The following HDLBP variants were observed in gnomAD, a reference collection of about 807,000 sequenced individuals.
HDLBP encodes high density lipoprotein binding protein, also known as vigilin.
HDLBP carries 30 observed loss-of-function variants against 137.3 expected under a neutral mutation model. The ratio of observed to expected loss-of-function variants is 0.22; its 90% CI spans 0.16 to 0.30. The LOEUF is 0.30. Among genes scored for constraint, HDLBP ranks in the 10% least tolerant of loss-of-function variants. HDLBP has a pLI of 1.00. For synonymous variants in HDLBP, 606 were observed against 596.0 expected (o/e 1.02, Z -0.24); for missense variants, 1,119 against 1,667.3 (o/e 0.67, Z 5.73).
At chr2:241,303,004 T>C (rs1009382159) in intron 1 of HDLBP, among the ~76,000 whole-genome samples, 11 of 152,208 alleles carry the variant, frequency 7.2e-5, no homozygotes, top group Non-Finnish European at 1.5e-4. Context: ...CTGGGCCTAG[T>C]GTTGGGCAGG....
chr2:241,247,882 GCCCA>G, intron 14 of HDLBP, 117 bp downstream of exon 14: 1 of 678,354 alleles, frequency 1.5e-6, no homozygotes. Flanking sequence ...TGGAAGGCCA[GCCCA>G]GGGCCTATGT....
Position 241,272,579 on chromosome 2 carries a change from G to C in HDLBP, c.-102-4038C>G, listed in dbSNP as rs961219877. On this transcript the variant is annotated intron_variant, in intron 1 of 27. Transcript: ENST00000310931. This position sits in a 1 kb window ranked among gnomAD's most constrained non-coding sequence, Gnocchi z 5.6. ...GGTCTGGCCCGGAACCGCCACGCGC[G>C]GTAAGCAGGACACCCGCGGGCGGGG... 3.0e-6 allele frequency: 3 copies of C among 984,182 alleles called. No individual in the cohort carries two copies. The highest frequency in any genetic ancestry group is 3.6e-6 in the Non-Finnish European group (3 of 829,456). The allele number at this position is 984,182 out of a possible 1,614,324, so 61.0% of individuals were successfully genotyped here.
At chr2:241,277,088 A>C (rs559440767) in intron 1 of HDLBP, among the ~76,000 whole-genome samples, 1 of 152,122 alleles carries the variant, frequency 6.6e-6, no homozygotes, top group African/African-American at 2.4e-5. Flanking sequence ...TAAAGACTAT[A>C]TAAGTTTTAA....
Position 241,252,874 on chromosome 2 carries a change from G to C in HDLBP, c.1372+83C>G, listed in dbSNP as rs187641641. The stretch of plus-strand genomic sequence containing the variant: ...AGCAATGGGCCTGGACTGTCTGCAC[G>C]GACGTCACAGTTCTCACAGCTGACA... On this transcript the variant is annotated intron_variant, in intron 11 of 27. Transcript: ENST00000310931. The C allele has an allele frequency of 3.4e-6, 3 of 889,740 alleles. No homozygotes were observed. In the African/African-American group the frequency reaches 4.9e-5, roughly 15 times the overall value. The allele number at this position is 889,740 out of a possible 1,614,324, so 55.1% of individuals were successfully genotyped here.
chr2:241,270,901 T>C (rs1434101962), intron 1 of HDLBP: 2 of 863,214 alleles, frequency 2.3e-6, no homozygotes, highest in Non-Finnish European at 1.4e-6. Flanking sequence ...AGATTCTCAC[T>C]GGATCTAACA....
At chr2:241,278,897 T>C (rs543478999) in intron 1 of HDLBP, among the ~76,000 whole-genome samples, 1 of 151,778 alleles carries the variant, frequency 6.6e-6, no homozygotes, top group Non-Finnish European at 1.5e-5. Context: ...TGGTGATGCA[T>C]GCCTGTAGTC....
chr2:241,251,826 A>C (rs554345110), intron 11 of HDLBP, among the ~76,000 whole-genome samples: 9 of 152,202 alleles, frequency 5.9e-5, no homozygotes, highest in African/African-American at 2.2e-4. Context: ...AATACAAAAA[A>C]ATTAGCTGGG....
Position 241,230,988 on chromosome 2 carries a change from G to A in HDLBP, c.3289-44C>T, listed in dbSNP as rs1014606403. 22 of 1,556,808 alleles carry A rather than the reference G, an allele frequency of 1.4e-5. No homozygotes were observed. Among genetic ancestry groups the A allele is most frequent in the Non-Finnish European group, 1.9e-5 (21 of 1,130,816 alleles). On this transcript the variant is annotated intron_variant, in intron 24 of 27. Transcript: ENST00000310931. This position sits in a 1 kb window ranked among gnomAD's most constrained non-coding sequence, Gnocchi z 5.0. Reference sequence around the variant, plus strand: ...GTCAGAAAAGGGGATGCCTTACTGGGATTCCCGTCAGGGGCAAGAGCCGGC... The same window carrying A: ...GTCAGAAAAGGGGATGCCTTACTGGAATTCCCGTCAGGGGCAAGAGCCGGC...
At chr2:241,264,658 A>G (rs1333288056) in intron 3 of HDLBP, 53 bp from the exon 4 acceptor site, 3 of 1,568,786 alleles carry the variant, frequency 1.9e-6, no homozygotes, top group African/African-American at 1.4e-5. Flanking sequence ...CATTACATGA[A>G]AAACACTTTT....
Position 241,303,250 on chromosome 2 carries a change from T to A in HDLBP, c.-103+12320A>T, listed in dbSNP as rs144626254. ...AGAAGGGCCAGGAAGAGCTGCGTCC[T>A]GCTGGTGCAGGGTGCCACTCCAGGA... On this transcript the variant is annotated intron_variant, in intron 1 of 27. Coordinates refer to ENST00000310931, the MANE Select transcript of HDLBP (RefSeq NM_005336.6). Among the ~76,000 whole-genome samples the A allele has an allele frequency of 4.5e-4, 68 of 152,322 alleles. No individual in the cohort carries two copies. The East Asian group carries it at 0.013, about 28-fold the overall frequency.
rs1483506244 is a variant in HDLBP at position 241,236,717 on chromosome 2, C to A, written c.2802G>T (p.Gly934=). ...CGGGGTCACAATCTTTAGCCTCTCT[C>A]CCCTCCCCAGCTTCGTCCCCATTCT... is the stretch of plus-strand genomic sequence containing the variant. ...VQENGDEAGE[G]REAKDCDPGS... Residue 934 remains glycine, a synonymous_variant, in exon 21 of 28, where the codon GGG becomes GGT. Coordinates refer to ENST00000310931, the MANE Select transcript of HDLBP (RefSeq NM_005336.6). 6.2e-7 allele frequency: 1 copy of A among 1,614,026 alleles called. No homozygotes were observed.
chr2:241,275,588 GAGA>G (rs1481504413), intron 1 of HDLBP, among the ~76,000 whole-genome samples: 1 of 152,154 alleles, frequency 6.6e-6, no homozygotes, highest in Admixed American at 6.5e-5. Flanking sequence ...AAAAAAGACA[GAGA>G]AGGTGTCTAG....
At chr2:241,268,389 A>C (rs939879496) in intron 2 of HDLBP, 88 bp downstream of exon 2, 3 of 839,994 alleles carry the variant, frequency 3.6e-6, no homozygotes, top group Admixed American at 1.2e-4. Flanking sequence ...AAGAAGGTAC[A>C]CACAGGACTA....
At chr2:241,229,784 G>GGGGGGC in intron 27 of HDLBP, 49 bp downstream of exon 27, 1 of 1,502,550 alleles carries the variant, frequency 6.7e-7, no homozygotes, top group Non-Finnish European at 9.1e-7. Flanking sequence ...AAGCCCGCCT[G>GGGGGGC]CCCGCCCACC....
chr2:241,235,290 C>A, intron 22 of HDLBP, 35 bp from the exon 23 acceptor site: 1 of 1,613,844 alleles, frequency 6.2e-7, no homozygotes, highest in Non-Finnish European at 8.5e-7. Flanking sequence ...ACGTTCAGGA[C>A]CCCAGAGAAC....
At chr2:241,304,905 C>A (rs1294328289) in intron 1 of HDLBP, among the ~76,000 whole-genome samples, 1 of 152,214 alleles carries the variant, frequency 6.6e-6, no homozygotes, top group Non-Finnish European at 1.5e-5. Context: ...AATTACAGAT[C>A]TTGATTTCCT....
intron 23 of HDLBP, 35 bp downstream of exon 23, chr2:241,235,086 G>A: frequency 1.2e-6 from 2 of 1,605,892 alleles, no homozygotes; most frequent in South Asian, 1.1e-5. Context: ...TGAGCACCAT[G>A]GCTCTGGGCA....
At chr2:241,247,202 C>G in intron 14 of HDLBP, 60 bp from the exon 15 acceptor site, 3 of 1,033,684 alleles carry the variant, frequency 2.9e-6, no homozygotes, top group East Asian at 4.8e-5. Context: ...AATACAGTAT[C>G]CCTTCTACCC....
In HDLBP at chr2:241,230,016, C is replaced by T. The variant is rs894063582; in HGVS notation, c.3592-55G>A. 1.4e-4 allele frequency: 213 copies of T among 1,568,970 alleles called. No homozygotes were observed. Among genetic ancestry groups the T allele is most frequent in the Non-Finnish European group, 1.5e-4 (170 of 1,155,822 alleles). On this transcript the variant is annotated intron_variant, in intron 26 of 27. Coordinates refer to ENST00000310931, the MANE Select transcript of HDLBP (RefSeq NM_005336.6). This position sits in a 1 kb window ranked among gnomAD's most constrained non-coding sequence, Gnocchi z 5.0. ...AGTCTGCCCAGCACCCCCAGCATCC[C>T]GCCCGCCTGCTCACCCCTGCACCTC...
Sources: allele counts gnomAD v4.1 joint callset (sites outside exome capture counted in the v4.1 genomes callset), GRCh38; gene constraint gnomAD v4.1.1; non-coding constraint Gnocchi (gnomAD v3.1); transcripts MANE v1.5; gene names NCBI Gene and HGNC (gene_info 2026-07-23, HGNC 2026-07-21).